ACYP2: variants seen among roughly 807,000 people sequenced by gnomAD.
The protein encoded by ACYP2 is acylphosphatase 2.
In ACYP2, 12 loss-of-function variants were observed where a neutral mutation model predicts 11.2. The ratio of observed to expected loss-of-function variants is 1.08; its 90% confidence interval spans 0.69 to 1.74. The LOEUF is 1.74. Among genes scored for constraint, ACYP2 ranks in the 40% most tolerant of loss-of-function variants. ACYP2 has a pLI of 0.00. For synonymous variants in ACYP2, 43 were observed against 32.2 expected, an observed-to-expected ratio of 1.33 and a Z score of -1.13; for missense variants, 134 against 101.9, an observed-to-expected ratio of 1.31 and a Z score of -1.35.
chr2:54,303,939 C>T (rs1689821012), intron 6 of ACYP2, among the ~76,000 whole-genome samples: 1 of 152,144 alleles, frequency 6.6e-6, no homozygotes, highest in African/African-American at 2.4e-5. Flanking sequence ...CAGCAATATA[C>T]AATAGGCCTG....
At chr2:54,049,056 C>A (rs557711047) in intron 2 of ACYP2, among the ~76,000 whole-genome samples, 1 of 152,242 alleles carries the variant, frequency 6.6e-6, no homozygotes, top group African/African-American at 2.4e-5. Context: ...GGGAAGATCA[C>A]TTGAGGCCAG....
At chr2:54,107,248 A>G (rs913701566) in intron 4 of ACYP2, among the ~76,000 whole-genome samples, 4 of 152,238 alleles carry the variant, frequency 2.6e-5, no homozygotes, top group Admixed American at 2.6e-4. Context: ...AACCAAGTAG[A>G]TAGTAAAAAT....
chr2:54,015,379 A>G (rs1336482381), intron 2 of ACYP2, among the ~76,000 whole-genome samples: 1 of 151,990 alleles, frequency 6.6e-6, no homozygotes, highest in Non-Finnish European at 1.5e-5. Flanking sequence ...GTGGTGGTGC[A>G]TGCCTGTAAT....
At chr2:53,973,024 A>G (rs929420706) in intron 1 of ACYP2, among the ~76,000 whole-genome samples, 3 of 152,166 alleles carry the variant, frequency 2.0e-5, no homozygotes, top group Non-Finnish European at 4.4e-5. Flanking sequence ...ACATTTAAGG[A>G]CAGACAGAGA....
chr2:54,041,085 C>T (rs1236932443), intron 2 of ACYP2, among the ~76,000 whole-genome samples: 1 of 144,136 alleles, frequency 6.9e-6, no homozygotes, highest in Non-Finnish European at 1.5e-5. Flanking sequence ...TTCTTTTCCT[C>T]TCTCTCTCTT....
intron 2 of ACYP2, among the ~76,000 whole-genome samples, chr2:54,022,727 AG>A (rs1674070390): frequency 6.6e-6 from 1 of 152,206 alleles, no homozygotes. Context: ...TGGTAGATGC[AG>A]AAAGGACTCT....
intron 4 of ACYP2, among the ~76,000 whole-genome samples, chr2:54,125,179 G>T (rs1680408977): frequency 6.6e-6 from 1 of 151,446 alleles, no homozygotes; most frequent in African/African-American, 2.4e-5. Flanking sequence ...ACCATATCCT[G>T]CTCCAGTTTC....
At chr2:54,088,169 T>G (rs1678038064) in intron 4 of ACYP2, among the ~76,000 whole-genome samples, 2 of 152,206 alleles carry the variant, frequency 1.3e-5, no homozygotes, top group South Asian at 4.1e-4. Context: ...AAAAGCGTGT[T>G]GCTAGGTTAG....
intron 4 of ACYP2, among the ~76,000 whole-genome samples, chr2:54,100,568 C>G (rs909844202): frequency 6.6e-6 from 1 of 151,964 alleles, no homozygotes; most frequent in Non-Finnish European, 1.5e-5. Context: ...CTCACTTTCC[C>G]AAAGTTCTGG....
intron 6 of ACYP2, among the ~76,000 whole-genome samples, chr2:54,170,353 A>G (rs985479057): frequency 6.6e-6 from 1 of 151,952 alleles, no homozygotes; most frequent in African/African-American, 2.4e-5. Flanking sequence ...GGGTTTCACC[A>G]TGTTGGCCAG....
chr2:54,009,017 G>A (rs1314990354), intron 2 of ACYP2, among the ~76,000 whole-genome samples: 7 of 151,378 alleles, frequency 4.6e-5, no homozygotes, highest in African/African-American at 1.7e-4. Context: ...GCCGGGAGTG[G>A]TGGCGGGCAC....
chr2:53,978,801 T>G (rs1467766074), intron 2 of ACYP2, among the ~76,000 whole-genome samples: 1 of 152,180 alleles, frequency 6.6e-6, no homozygotes, highest in Non-Finnish European at 1.5e-5. Flanking sequence ...CACATTCCTG[T>G]GGTCCCAGCT....
chr2:54,162,824 C>A (rs6728889), intron 6 of ACYP2, among the ~76,000 whole-genome samples: 10,446 of 151,934 alleles, frequency 0.069, 630 homozygotes, highest in African/African-American at 0.16. Context: ...ACAACAACAA[C>A]AAAAAATCAG....
At chr2:54,127,754 A>G (rs1680630032) in intron 4 of ACYP2, among the ~76,000 whole-genome samples, 1 of 127,982 alleles carries the variant, frequency 7.8e-6, no homozygotes, top group Admixed American at 7.1e-5. Flanking sequence ...CTGTCTCAAA[A>G]AAAAAAAAAA....
At chr2:53,982,678 C>A (rs1398997849) in intron 2 of ACYP2, among the ~76,000 whole-genome samples, 2 of 152,122 alleles carry the variant, frequency 1.3e-5, no homozygotes, top group African/African-American at 4.8e-5. Flanking sequence ...CATCTCTAAC[C>A]TTTGACTCTT....
intron 2 of ACYP2, among the ~76,000 whole-genome samples, chr2:54,034,105 C>G (rs1315241703): frequency 1.3e-5 from 2 of 152,198 alleles, no homozygotes. Flanking sequence ...AGAAAAGACT[C>G]CCAGCCCTTT....
intron 2 of ACYP2, among the ~76,000 whole-genome samples, chr2:54,036,996 A>G (rs1440777018): frequency 6.6e-6 from 1 of 152,206 alleles, no homozygotes; most frequent in Non-Finnish European, 1.5e-5. Flanking sequence ...GTGTGAAGTA[A>G]TGTTGTCCCT....
chr2:53,984,501 G>A (rs868324170), intron 2 of ACYP2, among the ~76,000 whole-genome samples: 9 of 150,978 alleles, frequency 6.0e-5, no homozygotes, highest in African/African-American at 9.8e-5. Flanking sequence ...CTCTTGAACC[G>A]GGGGGGTGGG....
chr2:54,040,370 A>G (rs1206124447), intron 2 of ACYP2, among the ~76,000 whole-genome samples: 2 of 152,076 alleles, frequency 1.3e-5, no homozygotes, highest in Admixed American at 1.3e-4. Flanking sequence ...TCAAGTGATA[A>G]TATTAAGGAG....
Sources: gnomAD v4.1 joint callset for allele counts (sites outside exome capture counted in the v4.1 genomes callset) on GRCh38, gnomAD v4.1.1 for gene constraint, MANE v1.5 for transcripts, NCBI Gene and HGNC (gene_info 2026-07-23, HGNC 2026-07-21) for gene names.